The following ADK variants were observed in gnomAD, a reference collection of about 807,000 sequenced individuals.
ADK encodes the protein adenosine kinase.
A neutral mutation model predicts 44.7 loss-of-function variants in ADK; 24 were observed. The ratio of observed to expected loss-of-function variants is 0.54; its 90% CI spans 0.39 to 0.76. The LOEUF is 0.76. Among genes scored for constraint, ADK ranks in the 30% least tolerant of loss-of-function variants. The probability of loss-of-function intolerance (pLI) is 0.00; values close to 1 mark genes in which losing one functional copy is unlikely to be tolerated. For missense variants in ADK, 321 were observed against 425.1 expected (o/e 0.76, Z 2.15); for synonymous variants, 128 against 142.6 (o/e 0.90, Z 0.73).
intron 8 of ADK, among the ~76,000 whole-genome samples, chr10:74,598,858 GT>G (rs1852020978): frequency 6.6e-6 from 1 of 152,068 alleles, no homozygotes; most frequent in Admixed American, 6.6e-5. Context: ...AAGTGAATGT[GT>G]TTTTCTCTTA....
At chr10:74,186,274 TC>T (rs1462396270) in intron 1 of ADK, among the ~76,000 whole-genome samples, 1 of 148,880 alleles carries the variant, frequency 6.7e-6, no homozygotes, top group Non-Finnish European at 1.5e-5. Context: ...TTCTCCCTTC[TC>T]CCCTTTCCCT....
chr10:74,598,440 C>CTTTTTTTTTTTTTTTTT (rs367982701), intron 8 of ADK, among the ~76,000 whole-genome samples: 1 of 114,072 alleles, frequency 8.8e-6, no homozygotes. Flanking sequence ...GAATCTTATT[C>CTTTTTTTTTTTTTTTTT]CTTTTTTTTT....
chr10:74,204,087 G>T (rs1843503755), intron 2 of ADK, among the ~76,000 whole-genome samples: 1 of 150,844 alleles, frequency 6.6e-6, no homozygotes, highest in African/African-American at 2.4e-5. Context: ...CTCCTGAGTA[G>T]CTGGGATTAC....
At chr10:74,153,402 C>T (rs561826496) in intron 1 of ADK, among the ~76,000 whole-genome samples, 8 of 152,298 alleles carry the variant, frequency 5.3e-5, no homozygotes, top group African/African-American at 1.2e-4. Context: ...AATACGTCAA[C>T]GGTGTTGAGG....
intron 4 of ADK, among the ~76,000 whole-genome samples, chr10:74,322,931 T>C (rs1840867269): frequency 6.6e-6 from 1 of 152,184 alleles, no homozygotes; most frequent in Non-Finnish European, 1.5e-5. Flanking sequence ...TTTAGTTCTG[T>C]CTTAGCAGTT....
intron 3 of ADK, among the ~76,000 whole-genome samples, chr10:74,303,585 G>GTTGTTTTTTTTTT (rs1409496456): frequency 1.5e-5 from 1 of 64,676 alleles, no homozygotes; most frequent in African/African-American, 1.0e-4. Flanking sequence ...TGGTTTTAAT[G>GTTGTTTTTTTTTT]TTGTTTTTTT....
chr10:74,421,182 T>C (rs1234549878), intron 6 of ADK, among the ~76,000 whole-genome samples: 1 of 152,106 alleles, frequency 6.6e-6, no homozygotes, highest in East Asian at 1.9e-4. Context: ...AAATGGTGTT[T>C]TGATTGGACA....
At chr10:74,624,333 G>A (rs543658112) in intron 9 of ADK, among the ~76,000 whole-genome samples, 2 of 150,762 alleles carry the variant, frequency 1.3e-5, no homozygotes, top group Non-Finnish European at 3.0e-5. Flanking sequence ...TTTCTCTGCT[G>A]TTGTTAAGCT....
chr10:74,544,359 C>A (rs967145183), intron 7 of ADK, among the ~76,000 whole-genome samples: 1 of 152,130 alleles, frequency 6.6e-6, no homozygotes, highest in Admixed American at 6.5e-5. Flanking sequence ...TTTTAACAAT[C>A]AGGAAATTCT....
intron 6 of ADK, among the ~76,000 whole-genome samples, chr10:74,492,733 T>G (rs1847532700): frequency 6.6e-6 from 1 of 152,188 alleles, no homozygotes. Context: ...TCCTTATGAT[T>G]AGATTTAGGT....
intron 9 of ADK, among the ~76,000 whole-genome samples, chr10:74,626,237 G>C (rs1301096778): frequency 6.6e-6 from 1 of 151,770 alleles, no homozygotes; most frequent in East Asian, 1.9e-4. Context: ...TAAGGGTCCA[G>C]AAATCAATGG....
intron 2 of ADK, among the ~76,000 whole-genome samples, chr10:74,216,362 A>AT (rs1020087904): frequency 5.9e-5 from 9 of 152,046 alleles, no homozygotes; most frequent in African/African-American, 2.2e-4. Flanking sequence ...TATTAAAAAA[A>AT]TTTTTTTTCT....
intron 1 of ADK, among the ~76,000 whole-genome samples, chr10:74,191,466 G>A (rs1842949370): frequency 6.6e-6 from 1 of 151,870 alleles, no homozygotes; most frequent in African/African-American, 2.4e-5. Flanking sequence ...CGCCCAGGCT[G>A]GTCTCGAACT....
At chr10:74,515,808 G>T (rs962070531) in intron 6 of ADK, among the ~76,000 whole-genome samples, 3 of 152,078 alleles carry the variant, frequency 2.0e-5, no homozygotes, top group African/African-American at 7.2e-5. Flanking sequence ...TGGCAGACTG[G>T]TTTCTCTGTT....
chr10:74,536,972 T>C (rs1849470892), intron 7 of ADK, among the ~76,000 whole-genome samples: 1 of 152,200 alleles, frequency 6.6e-6, no homozygotes, highest in Non-Finnish European at 1.5e-5. Flanking sequence ...TGAACAAGTA[T>C]CTGTTTGAGT....
chr10:74,360,627 G>A (rs1842303421), intron 4 of ADK, among the ~76,000 whole-genome samples: 1 of 151,380 alleles, frequency 6.6e-6, no homozygotes, highest in South Asian at 2.1e-4. Context: ...ACCAATGTTG[G>A]GTGCATATAT....
At chr10:74,637,566 A>T (rs1203243642) in intron 9 of ADK, among the ~76,000 whole-genome samples, 1 of 152,240 alleles carries the variant, frequency 6.6e-6, no homozygotes, top group African/African-American at 2.4e-5. Flanking sequence ...GAAGGCTATC[A>T]TTCTCTACAG....
At chr10:74,609,954 T>A (rs1852481040) in intron 9 of ADK, among the ~76,000 whole-genome samples, 1 of 152,162 alleles carries the variant, frequency 6.6e-6, no homozygotes, top group African/African-American at 2.4e-5. Flanking sequence ...TTCTGTCACA[T>A]ACCAATCATT....
chr10:74,181,377 T>C (rs564937855), intron 1 of ADK, among the ~76,000 whole-genome samples: 3 of 152,342 alleles, frequency 2.0e-5, no homozygotes, highest in Admixed American at 1.3e-4. Context: ...TAATTACTGA[T>C]TAAGAGTCTA....
Sources: allele counts gnomAD v4.1 joint callset (sites outside exome capture counted in the v4.1 genomes callset), GRCh38; gene constraint gnomAD v4.1.1; transcripts MANE v1.5; gene names NCBI Gene and HGNC (gene_info 2026-07-23, HGNC 2026-07-21).